The following UBA2 variants were observed in gnomAD, a reference collection of about 807,000 sequenced individuals.
UBA2 encodes ubiquitin like modifier activating enzyme 2, also known as SUMO-activating enzyme subunit 2.
Under a neutral mutation model 77.2 loss-of-function variants are expected in UBA2, and 11 were observed. The ratio of observed to expected loss-of-function variants is 0.14; its 90% confidence interval spans 0.09 to 0.24. The LOEUF (loss-of-function observed/expected upper bound fraction) is 0.24, where lower values mean the gene tolerates loss of function less well. Ranked by LOEUF, UBA2 falls within the 10% of genes least tolerant of loss-of-function variation. The probability of loss-of-function intolerance (pLI) is 1.00; values close to 1 mark genes in which losing one functional copy is unlikely to be tolerated. For missense variants in UBA2, 487 were observed against 781.7 expected, an observed-to-expected ratio of 0.62 and a Z score of 4.50; for synonymous variants, 278 against 276.7, an observed-to-expected ratio of 1.00 and a Z score of -0.05.
intron 5 of UBA2, among the ~76,000 whole-genome samples, chr19:34,438,321 T>C (rs1328603639): frequency 1.3e-5 from 2 of 152,220 alleles, no homozygotes; most frequent in Non-Finnish European, 2.9e-5. Flanking sequence ...GCTGTTTGTC[T>C]TTCCAGTAGT....
intron 13 of UBA2, among the ~76,000 whole-genome samples, chr19:34,460,118 A>T (rs3787035): frequency 2.0e-5 from 3 of 152,150 alleles, no homozygotes; most frequent in Non-Finnish European, 4.4e-5. Flanking sequence ...GATTCCATCT[A>T]TGAAACCCCT....
At chr19:34,443,640 C>T (rs1363191939) in intron 6 of UBA2, among the ~76,000 whole-genome samples, 1 of 151,976 alleles carries the variant, frequency 6.6e-6, no homozygotes, top group Non-Finnish European at 1.5e-5. Flanking sequence ...CGAGGTTTCA[C>T]CATGTTGGTC....
rs796393606 is a variant in UBA2 at position 34,428,386 on chromosome 19, T to C, written c.-47T>C. On this transcript the variant is annotated 5_prime_UTR_variant, in exon 1 of 17. Coordinates refer to ENST00000246548, the MANE Select transcript of UBA2 (RefSeq NM_005499.3). The stretch of plus-strand genomic sequence containing the variant: ...TCCCCCACCCGCTTCCGGCCGCGGC[T>C]CGGTTCTCCCGCCTCCGCCTCCGCC... The C allele has an allele frequency of 1.6e-6, 2 of 1,231,822 alleles. No homozygotes were observed. Among genetic ancestry groups the C allele is most frequent in the Non-Finnish European group, 2.0e-6 (2 of 986,814 alleles). The allele number at this position is 1,231,822 out of a possible 1,614,324, so 76.3% of individuals were successfully genotyped here.
intron 14 of UBA2, among the ~76,000 whole-genome samples, chr19:34,461,828 G>T (rs1367895095): frequency 6.6e-6 from 1 of 152,178 alleles, no homozygotes; most frequent in Non-Finnish European, 1.5e-5. Context: ...GAAAGAGTGT[G>T]TACACAGTAT....
rs370848936 is a variant in UBA2 at position 34,433,374 on chromosome 19, G to A, written c.320G>A (p.Arg107Gln). Residue 107 changes from arginine to glutamine, a missense_variant, in exon 4 of 17, where the codon CGA (arginine) becomes CAA (glutamine). Arg to Gln is a conservative substitution (Grantham distance 43). Transcript: ENST00000246548. ...MNPDYNVEFF[R>Q]QFILVMNALD... ...CCTGACTATAATGTGGAATTTTTCC[G>A]ACAGTTTATACTGGTTATGAATGCT... The A allele has an allele frequency of 6.8e-6, 11 of 1,611,756 alleles. No homozygotes were observed. The highest frequency in any genetic ancestry group is 3.3e-5 in the Admixed American group (2 of 59,868).
At chr19:34,444,781 T>G (rs1301737605) in intron 7 of UBA2, among the ~76,000 whole-genome samples, 1 of 152,222 alleles carries the variant, frequency 6.6e-6, no homozygotes, top group Non-Finnish European at 1.5e-5. Context: ...CACTCCAGCC[T>G]GGGCAACAGA....
At chr19:34,464,895 A>G (rs2075671399) in intron 15 of UBA2, among the ~76,000 whole-genome samples, 1 of 151,874 alleles carries the variant, frequency 6.6e-6, no homozygotes, top group African/African-American at 2.4e-5. Flanking sequence ...GGATCACCTG[A>G]GATCAGGAGT....
chr19:34,457,504 C>T (rs990158659), intron 12 of UBA2, among the ~76,000 whole-genome samples: 3 of 152,100 alleles, frequency 2.0e-5, no homozygotes, highest in African/African-American at 4.8e-5. Context: ...AGCACACTTA[C>T]CTTCCCGGTG....
In UBA2 at chr19:34,434,511, A is replaced by G. The variant is rs536717986; in HGVS notation, c.359-357A>G. Among the ~76,000 whole-genome samples, 4 of 152,238 alleles carry G rather than the reference A, an allele frequency of 2.6e-5. No homozygotes were observed. In the South Asian group the frequency reaches 6.2e-4, roughly 24 times the overall value. On this transcript the variant is annotated intron_variant, in intron 4 of 16. Transcript: ENST00000246548. ...TATTCCACATTCTGCCTTCATTTCTATCATGTATTATCTGCTAGTTATATT... is the reference window on the plus strand; with the variant it reads ...TATTCCACATTCTGCCTTCATTTCTGTCATGTATTATCTGCTAGTTATATT...
intron 16 of UBA2, among the ~76,000 whole-genome samples, chr19:34,467,899 T>TCTC (rs2075704591): frequency 5.3e-5 from 8 of 152,248 alleles, no homozygotes; most frequent in Admixed American, 5.2e-4. Flanking sequence ...AGTCAGCCTA[T>TCTC]GTAGTAGCAG....
At chr19:34,447,095 A>G (rs997019579) in intron 8 of UBA2, among the ~76,000 whole-genome samples, 2 of 152,166 alleles carry the variant, frequency 1.3e-5, no homozygotes, top group African/African-American at 4.8e-5. Flanking sequence ...CTGAGGAGCA[A>G]GGAGAGCCAG....
At chr19:34,456,203 C>A (rs1305894479) in intron 12 of UBA2, among the ~76,000 whole-genome samples, 1 of 149,124 alleles carries the variant, frequency 6.7e-6, no homozygotes, top group Non-Finnish European at 1.5e-5. Flanking sequence ...CAACCTCCAC[C>A]TGCTGGGTTC....
chr19:34,447,498 C>A (rs1436461610), intron 8 of UBA2, among the ~76,000 whole-genome samples: 1 of 152,186 alleles, frequency 6.6e-6, no homozygotes, highest in Admixed American at 6.5e-5. Context: ...TCCTTATTTC[C>A]ATTCCAATCT....
chr19:34,433,819 G>A (rs2075281065), intron 4 of UBA2, among the ~76,000 whole-genome samples: 1 of 152,150 alleles, frequency 6.6e-6, no homozygotes, highest in Admixed American at 6.5e-5. Flanking sequence ...ATTAGCCGGT[G>A]TGGTGGCATG....
chr19:34,440,747 C>T (rs998222491), intron 6 of UBA2, among the ~76,000 whole-genome samples: 3 of 151,984 alleles, frequency 2.0e-5, no homozygotes, highest in Non-Finnish European at 4.4e-5. Flanking sequence ...GCCAATATGG[C>T]GAAATCCTGT....
intron 8 of UBA2, among the ~76,000 whole-genome samples, chr19:34,446,176 G>T (rs1051374532): frequency 6.6e-6 from 1 of 152,048 alleles, no homozygotes; most frequent in Non-Finnish European, 1.5e-5. Flanking sequence ...ACTGAGCCTA[G>T]CCCCTAGCAA....
chr19:34,468,061 C>T (rs2075706226), intron 16 of UBA2, among the ~76,000 whole-genome samples: 1 of 152,176 alleles, frequency 6.6e-6, no homozygotes, highest in African/African-American at 2.4e-5. Context: ...CCTGGATTTT[C>T]AGTGCTGGTG....
intron 7 of UBA2, 127 bp from the exon 8 acceptor site, chr19:34,444,873 T>C: frequency 1.1e-6 from 1 of 941,566 alleles, no homozygotes; most frequent in Non-Finnish European, 1.6e-6. Flanking sequence ...TTCTTATTCC[T>C]TGAACTCAGA....
At chr19:34,441,695 T>C (rs1425417686) in intron 6 of UBA2, among the ~76,000 whole-genome samples, 3 of 151,142 alleles carry the variant, frequency 2.0e-5, no homozygotes, top group Non-Finnish European at 4.4e-5. Flanking sequence ...CTGAGGTGGG[T>C]GAATCACTTG....
Sources: gnomAD v4.1 joint callset for allele counts (sites outside exome capture counted in the v4.1 genomes callset) on GRCh38, gnomAD v4.1.1 for gene constraint, MANE v1.5 for transcripts, NCBI Gene and HGNC (gene_info 2026-07-23, HGNC 2026-07-21) for gene names.